SVEP1: variants seen among roughly 807,000 people sequenced by gnomAD.
SVEP1 encodes the protein sushi, von Willebrand factor type A, EGF and pentraxin domain-containing protein 1.
A neutral mutation model predicts 367.3 loss-of-function variants in SVEP1; 164 were observed. The observed-to-expected ratio is 0.45, with a 90% confidence interval of 0.39 to 0.51. The LOEUF (loss-of-function observed/expected upper bound fraction) is 0.51. Among genes scored for constraint, SVEP1 ranks in the 20% least tolerant of loss-of-function variants. The pLI, the probability that SVEP1 is intolerant of heterozygous loss-of-function variation, is 0.00. For missense variants in SVEP1, 4,117 were observed against 4,425.3 expected (o/e 0.93, Z 1.98); for synonymous variants, 1,666 against 1,611.6 (o/e 1.03, Z -0.81).
chr9:110,408,782 C>A lies in SVEP1; in HGVS notation c.6818G>T (p.Gly2273Val), dbSNP rs770463285. 25 of 1,613,320 alleles carry A rather than the reference C, an allele frequency of 1.5e-5. No homozygotes were observed. In the Middle Eastern group the frequency reaches 4.9e-4, roughly 32 times the overall value. Reference sequence around the variant, plus strand: ...TTCAAAGTTTTCTCCTTTCATGAAGCCATTCTGGATCGGGGGAGGTTTTCC... The same window carrying A: ...TTCAAAGTTTTCTCCTTTCATGAAGACATTCTGGATCGGGGGAGGTTTTCC... ...DCGKPPPIQN[G>V]FMKGENFEVG... The change falls in exon 38 of 48, where the codon GGC becomes GTC. Residue 2273 changes from glycine to valine, a missense_variant. Transcript: ENST00000374469.
intron 2 of SVEP1, among the ~76,000 whole-genome samples, chr9:110,546,692 T>C (rs1382441855): frequency 6.6e-6 from 1 of 152,200 alleles, no homozygotes; most frequent in Non-Finnish European, 1.5e-5. Context: ...CCCAGATCCT[T>C]GTTCCAATGA....
intron 1 of SVEP1, among the ~76,000 whole-genome samples, chr9:110,567,853 C>G (rs1264046516): frequency 1.3e-5 from 2 of 152,158 alleles, no homozygotes; most frequent in Middle Eastern, 3.2e-3. Flanking sequence ...CGCCTGAGGG[C>G]TTTCTTGGGT....
intron 14 of SVEP1, among the ~76,000 whole-genome samples, chr9:110,473,701 C>T (rs1011910681): frequency 1.3e-5 from 2 of 152,034 alleles, no homozygotes; most frequent in East Asian, 1.9e-4. Flanking sequence ...AAGATACCAT[C>T]GGTTAGAAGA....
chr9:110,466,096 T>C (rs1828933356), intron 17 of SVEP1, 70 bp from the exon 18 acceptor site: 3 of 1,458,888 alleles, frequency 2.1e-6, no homozygotes, highest in Non-Finnish European at 2.7e-6. Flanking sequence ...CTGTGCGGGA[T>C]AGGGTTTTCT....
chr9:110,434,210 G>A (rs765681807), intron 30 of SVEP1, 126 bp downstream of exon 30: 6 of 1,114,230 alleles, frequency 5.4e-6, no homozygotes, highest in Admixed American at 2.7e-5. Context: ...CAAAGAAAAG[G>A]TTCAATGAAT....
intron 1 of SVEP1, among the ~76,000 whole-genome samples, chr9:110,569,646 G>T (rs1830531339): frequency 6.6e-6 from 1 of 152,058 alleles, no homozygotes; most frequent in Non-Finnish European, 1.5e-5. Context: ...GTCCTACTAA[G>T]AACTTCCCTT....
chr9:110,483,664 T>G lies in SVEP1; in HGVS notation c.1960A>C (p.Arg654=). The G allele has an allele frequency of 1.9e-6, 3 of 1,611,160 alleles. No homozygotes were observed. The highest frequency in any genetic ancestry group is 1.7e-6 in the Non-Finnish European group (2 of 1,178,614). Reference sequence around the variant, plus strand: ...GAGACCTGGACGGGAGGTGGAGATCTGCACCAGTCTATGACAGGTGGTTCT... The same window carrying G: ...GAGACCTGGACGGGAGGTGGAGATCGGCACCAGTCTATGACAGGTGGTTCT... ...DAEPPVIDWC[R]SPPPVQVSEK... The change falls in exon 10 of 48, where the codon AGA becomes CGA. Residue 654 remains arginine (R), a synonymous_variant. Transcript: ENST00000374469.
chr9:110,557,867 A>C (rs1479422645), intron 1 of SVEP1, among the ~76,000 whole-genome samples: 2 of 152,186 alleles, frequency 1.3e-5, no homozygotes, highest in Non-Finnish European at 2.9e-5. Context: ...TGGATGGCCT[A>C]GATCACCAAT....
At chr9:110,557,653 G>A (rs1360642732) in intron 1 of SVEP1, among the ~76,000 whole-genome samples, 1 of 152,116 alleles carries the variant, frequency 6.6e-6, no homozygotes, top group Admixed American at 6.5e-5. Flanking sequence ...CATGAATGAA[G>A]ACATATATTC....
intron 46 of SVEP1, among the ~76,000 whole-genome samples, chr9:110,374,089 T>C (rs1006823989): frequency 6.6e-6 from 1 of 152,170 alleles, no homozygotes; most frequent in Admixed American, 6.5e-5. Flanking sequence ...TACAGATTAT[T>C]TCATCACTCA....
In SVEP1 at chr9:110,546,161, G is replaced by A. The variant is rs1416832173; in HGVS notation, c.918C>T (p.Ile306=). The change falls in exon 3 of 48, where the codon ATC becomes ATT. Residue 306 remains isoleucine (I), a synonymous_variant. Transcript: ENST00000374469. ...CTTTCCCGTAATACCCCTTTTCACA[G>A]ATGCACTCAAAATGGCCTGTGTGTG... ...CGTHTGHFEC[I]CEKGYYGKGL... The A allele has an allele frequency of 6.4e-7, 1 of 1,554,802 alleles. No individual in the cohort carries two copies. The highest frequency in any genetic ancestry group is 8.7e-7 in the Non-Finnish European group (1 of 1,148,478).
In SVEP1 at chr9:110,407,150, T is replaced by A. The variant is rs1291176640; in HGVS notation, c.8450A>T (p.Asp2817Val). The A allele has an allele frequency of 6.2e-7, 1 of 1,614,014 alleles. No homozygotes were observed. Among genetic ancestry groups the A allele is most frequent in the Non-Finnish European group, 8.5e-7 (1 of 1,179,896 alleles). Residue 2817 changes from aspartate (D) to valine (V), a missense_variant, in exon 38 of 48, where the codon GAT becomes GTT. Around this residue, in one of 4 missense-constraint regions of SVEP1, gnomAD observed 1,765 missense variants for 1,781.1 expected, o/e 0.99. Coordinates refer to ENST00000374469, the MANE Select transcript of SVEP1 (RefSeq NM_153366.4). The stretch of plus-strand genomic sequence containing the variant: ...CTCATCCTCATCCCAGTTTTTGTCA[T>A]CCTGGCATGTTCTCCTCTCAGTGCC... ...LNGTERRTCQDDKNWDEDEPI... is the reference protein window; with the variant it reads ...LNGTERRTCQVDKNWDEDEPI...
chr9:110,426,052 A>G (rs1828248685), intron 36 of SVEP1, among the ~76,000 whole-genome samples: 1 of 152,222 alleles, frequency 6.6e-6, no homozygotes, highest in Admixed American at 6.5e-5. Flanking sequence ...CTAATTTTAA[A>G]TAGTCCTATC....
intron 3 of SVEP1, among the ~76,000 whole-genome samples, chr9:110,542,763 G>A (rs1331712805): frequency 6.9e-6 from 1 of 145,660 alleles, no homozygotes; most frequent in Non-Finnish European, 1.5e-5. Context: ...GATTTTAAAG[G>A]GGCTCACTGA....
At chr9:110,483,494 T>A in intron 10 of SVEP1, 92 bp downstream of exon 10, 1 of 707,930 alleles carries the variant, frequency 1.4e-6, no homozygotes, top group East Asian at 3.0e-5. Context: ...CAGTTGTTAT[T>A]TGCTTTTTCT....
At chr9:110,455,130 T>G (rs79929463) in intron 22 of SVEP1, among the ~76,000 whole-genome samples, 1 of 152,096 alleles carries the variant, frequency 6.6e-6, no homozygotes, top group Admixed American at 6.6e-5. Context: ...TACACACACA[T>G]ATTCACACAC....
In SVEP1 at chr9:110,387,276, A is replaced by AAC; in HGVS notation, c.10060+7_10060+8dup. 6.4e-7 allele frequency: 1 copy of AAC among 1,569,886 alleles called. No homozygotes were observed. Among genetic ancestry groups the AAC allele is most frequent in the African/African-American group, 1.4e-5 (1 of 72,536 alleles). ...TCTGATTAAAATTTCTCCTAAAGGC[A>AAC]ACACACACGTTTGCAGAGAGGGACT... is the stretch of plus-strand genomic sequence containing the variant. On this transcript the variant is annotated intron_variant, in intron 42 of 47. Coordinates refer to ENST00000374469, the MANE Select transcript of SVEP1 (RefSeq NM_153366.4).
In SVEP1 at chr9:110,440,292, C is replaced by T. The variant is rs141101922; in HGVS notation, c.4639+3253G>A. ...TACACTATGCTACTACTTTGGGGAT[C>T]AGCCAACCATTCTTCCTCACACAAA... is the stretch of plus-strand genomic sequence containing the variant. On this transcript the variant is annotated intron_variant, in intron 27 of 47. Transcript: ENST00000374469. 1.6e-3 allele frequency among the ~76,000 whole-genome samples: 237 copies of T among 152,280 alleles called. 1 individual carries two copies. The highest frequency in any genetic ancestry group is 3.4e-3 in the Middle Eastern group (1 of 294).
intron 3 of SVEP1, among the ~76,000 whole-genome samples, chr9:110,532,545 T>C (rs1830033777): frequency 6.6e-6 from 1 of 152,152 alleles, no homozygotes; most frequent in African/African-American, 2.4e-5. Context: ...ATCTGGAGCA[T>C]AAGATGCTGC....
Sources: gnomAD v4.1 joint callset for allele counts (sites outside exome capture counted in the v4.1 genomes callset) on GRCh38, gnomAD v4.1.1 for gene constraint, gnomAD v4.1.1 regional missense constraint, MANE v1.5 for transcripts, NCBI Gene and HGNC (gene_info 2026-07-23, HGNC 2026-07-21) for gene names.